The following LRRC7 variants were observed in gnomAD, a reference collection of about 807,000 sequenced individuals.
LRRC7 encodes leucine-rich repeat-containing protein 7.
In LRRC7, 23 loss-of-function variants were observed where a neutral mutation model predicts 175.7. The observed-to-expected ratio is 0.13, with a 90% CI of 0.09 to 0.19. The LOEUF (loss-of-function observed/expected upper bound fraction) is 0.19. Ranked by LOEUF, LRRC7 falls within the 10% of genes least tolerant of loss-of-function variation. LRRC7 has a pLI of 1.00. For missense variants in LRRC7, 1,354 were observed against 1,904.7 expected (o/e 0.71, Z 5.38); for synonymous variants, 685 against 680.9 (o/e 1.01, Z -0.09).
At chr1:70,003,858 T>A (rs1248643846) in intron 11 of LRRC7, among the ~76,000 whole-genome samples, 1 of 151,374 alleles carries the variant, frequency 6.6e-6, no homozygotes, top group South Asian at 2.1e-4. Flanking sequence ...AAAAAAAAAA[T>A]AGTCTTTGCT....
chr1:69,778,853 G>A (rs1035248614), intron 3 of LRRC7, among the ~76,000 whole-genome samples: 19 of 151,282 alleles, frequency 1.3e-4, no homozygotes, highest in African/African-American at 4.1e-4. Context: ...TCAGGGCATA[G>A]AATGGCAAAA....
At chr1:69,743,108 T>A (rs931229419) in intron 2 of LRRC7, among the ~76,000 whole-genome samples, 3 of 152,028 alleles carry the variant, frequency 2.0e-5, no homozygotes, top group African/African-American at 7.2e-5. Flanking sequence ...TGATAAAACT[T>A]TAAAAATAAA....
chr1:69,818,341 A>G lies in LRRC7; in HGVS notation c.422-7407A>G, dbSNP rs969145950. ...ATGAAAGGATGTTGGATTTTGTTCA[A>G]TGCTTTTTTCTGCATCTAGTAAAAT... On this transcript the variant is annotated intron_variant, in intron 4 of 26. Transcript: ENST00000651989. Among the ~76,000 whole-genome samples, 4 of 152,130 alleles carry G rather than the reference A, an allele frequency of 2.6e-5. No individual in the cohort carries two copies. In the East Asian group the frequency reaches 5.8e-4, roughly 22 times the overall value.
chr1:70,080,507 A>AGAAAC (rs1415956936), intron 24 of LRRC7, among the ~76,000 whole-genome samples: 20 of 152,228 alleles, frequency 1.3e-4, no homozygotes, highest in Non-Finnish European at 2.6e-4. Context: ...CAAGAACTCT[A>AGAAAC]GAAACCTAAA....
chr1:69,980,311 T>C (rs2101887568), intron 8 of LRRC7, 68 bp from the exon 9 acceptor site: 1 of 1,247,424 alleles, frequency 8.0e-7, no homozygotes, highest in Admixed American at 1.7e-5. Flanking sequence ...TTACATCTTA[T>C]GTTTGTGATA....
chr1:69,969,645 C>G (rs1251867951), intron 8 of LRRC7, among the ~76,000 whole-genome samples: 1 of 152,070 alleles, frequency 6.6e-6, no homozygotes, highest in African/African-American at 2.4e-5. Context: ...TACTACTAGA[C>G]CTAAGAAATG....
At chr1:69,760,147 C>A (rs749125710) in intron 2 of LRRC7, 44 bp from the exon 3 acceptor site, 16 of 1,592,918 alleles carry the variant, frequency 1.0e-5, no homozygotes, top group Non-Finnish European at 1.3e-5. Context: ...TCCAAGGGCA[C>A]TGGATAAGCT....
intron 7 of LRRC7, among the ~76,000 whole-genome samples, chr1:69,872,588 T>C (rs1211574594): frequency 6.6e-6 from 1 of 152,100 alleles, no homozygotes; most frequent in Non-Finnish European, 1.5e-5. Flanking sequence ...TTTTTATAAA[T>C]GATTTTGTTC....
At chr1:69,979,292 A>G (rs952432487) in intron 8 of LRRC7, among the ~76,000 whole-genome samples, 4 of 152,222 alleles carry the variant, frequency 2.6e-5, no homozygotes, top group Non-Finnish European at 5.9e-5. Flanking sequence ...CACAAGGCCT[A>G]AGAATAGGGA....
chr1:69,656,906 GAAAT>G (rs1435464573), intron 1 of LRRC7, among the ~76,000 whole-genome samples: 2 of 149,958 alleles, frequency 1.3e-5, no homozygotes, highest in Non-Finnish European at 3.0e-5. Context: ...GAAGTATCAA[GAAAT>G]AACTACCATA....
At chr1:69,670,673 G>A (rs757767263) in intron 1 of LRRC7, among the ~76,000 whole-genome samples, 1 of 152,160 alleles carries the variant, frequency 6.6e-6, no homozygotes, top group Non-Finnish European at 1.5e-5. Flanking sequence ...AACCTTAGGA[G>A]TATACCTAGT....
At position 69,753,912 on chromosome 1, in the gene LRRC7, T is replaced by A. The variant is rs1043970560; in HGVS notation, c.101-6279T>A. On this transcript the variant is annotated intron_variant, in intron 2 of 26. Transcript: ENST00000651989. ...AGTCATTCTCCCTTTTTAATTTAAA[T>A]TTTTTAAAGCAAAGGAAATGTACCT... is the stretch of plus-strand genomic sequence containing the variant. Among the ~76,000 whole-genome samples, 9 of 152,210 alleles carry A rather than the reference T, an allele frequency of 5.9e-5. No homozygotes were observed. The South Asian group carries it at 1.7e-3, about 28-fold the overall frequency.
intron 2 of LRRC7, among the ~76,000 whole-genome samples, chr1:69,751,800 G>A (rs1669873971): frequency 6.6e-6 from 1 of 152,144 alleles, no homozygotes; most frequent in African/African-American, 2.4e-5. Context: ...GAACTAATTT[G>A]CCGTAAGTAG....
At chr1:69,610,371 A>C (rs1225983262) in intron 1 of LRRC7, among the ~76,000 whole-genome samples, 1 of 152,022 alleles carries the variant, frequency 6.6e-6, no homozygotes, top group African/African-American at 2.4e-5. Flanking sequence ...GTCAGGAAGT[A>C]TCATAATTGC....
chr1:69,763,859 A>AT (rs1360935765), intron 3 of LRRC7, among the ~76,000 whole-genome samples: 1 of 152,008 alleles, frequency 6.6e-6, no homozygotes, highest in East Asian at 1.9e-4. Context: ...TAAGATAGCC[A>AT]TTTTTATTCT....
At chr1:69,674,409 A>C (rs1659510523) in intron 1 of LRRC7, among the ~76,000 whole-genome samples, 1 of 152,256 alleles carries the variant, frequency 6.6e-6, no homozygotes, top group Middle Eastern at 3.4e-3. Context: ...TCTTTCATAA[A>C]GTTGTTCAAA....
intron 1 of LRRC7, among the ~76,000 whole-genome samples, chr1:69,660,748 G>A (rs965016662): frequency 3.3e-5 from 5 of 152,066 alleles, no homozygotes; most frequent in African/African-American, 1.2e-4. Flanking sequence ...GTTACAGGCA[G>A]CCAAACATAA....
At chr1:69,963,678 G>T (rs192100518) in intron 8 of LRRC7, among the ~76,000 whole-genome samples, 39 of 152,238 alleles carry the variant, frequency 2.6e-4, no homozygotes, top group Admixed American at 2.4e-3. Flanking sequence ...AAATGAGAGT[G>T]CATGGGTTAC....
intron 5 of LRRC7, among the ~76,000 whole-genome samples, chr1:69,827,773 A>G (rs1680089057): frequency 6.6e-6 from 1 of 152,014 alleles, no homozygotes; most frequent in Admixed American, 6.6e-5. Flanking sequence ...TGGGAGGACA[A>G]CGCTGCAGTG....
Sources: allele counts gnomAD v4.1 joint callset (sites outside exome capture counted in the v4.1 genomes callset), GRCh38; gene constraint gnomAD v4.1.1; transcripts MANE v1.5; gene names NCBI Gene and HGNC (gene_info 2026-07-23, HGNC 2026-07-21).